Variants in DNAH8 observed in about 807,000 individuals in gnomAD.
DNAH8 encodes axonemal beta dynein heavy chain 8.
DNAH8 carries 382 observed loss-of-function variants against 562.1 expected under a neutral mutation model. That is an observed-to-expected ratio of 0.68 (90% CI 0.63 to 0.74). The LOEUF is 0.74. Among genes scored for constraint, DNAH8 ranks in the 30% least tolerant of loss-of-function variants. The pLI is 0.00. For missense variants in DNAH8, 5,203 were observed against 5,620.4 expected (o/e 0.93, Z 2.37); for synonymous variants, 1,881 against 1,919.4 (o/e 0.98, Z 0.52).
chr6:38,786,228 T>A (rs1769147229), intron 17 of DNAH8, among the ~76,000 whole-genome samples: 1 of 152,372 alleles, frequency 6.6e-6, no homozygotes, highest in East Asian at 1.9e-4. Context: ...GTGTAAAACA[T>A]CTTCCCTCCT....
chr6:38,894,439 T>G (rs1463577543), intron 58 of DNAH8, among the ~76,000 whole-genome samples: 3 of 152,190 alleles, frequency 2.0e-5, no homozygotes, highest in African/African-American at 7.2e-5. Context: ...CAACTGATGG[T>G]AGTAGAACAA....
At chr6:38,953,386 C>A (rs1449880802) in intron 82 of DNAH8, among the ~76,000 whole-genome samples, 1 of 152,142 alleles carries the variant, frequency 6.6e-6, no homozygotes, top group African/African-American at 2.4e-5. Flanking sequence ...TTAAAAAATT[C>A]AAGGTCTCCT....
intron 77 of DNAH8, chr6:38,936,361 A>T (rs914065461): frequency 6.6e-6 from 1 of 152,166 alleles, no homozygotes; most frequent in Non-Finnish European, 1.5e-5. Context: ...CCAAATCATC[A>T]TGCCACACCT....
intron 85 of DNAH8, among the ~76,000 whole-genome samples, chr6:38,981,062 T>TG (rs3047924): frequency 8.0e-4 from 116 of 145,592 alleles, no homozygotes; most frequent in Non-Finnish European, 1.2e-3. Flanking sequence ...TGTGTGTGTG[T>TG]TGAGTTGGGG....
chr6:38,778,426 AATCTT>A lies in DNAH8; in HGVS notation c.2007_2011del (p.Leu669PhefsTer37), dbSNP rs757843325. ...CATTTATGAACAGTAGTTTTGGGAA[AATCTT>A]ATCTTCTCAGCAGGCTCTTCAGCTA... On this transcript the variant is annotated frameshift_variant, in exon 14 of 93. Transcript: ENST00000327475. LOFTEE classifies it high-confidence loss of function. 10 of 1,596,552 alleles carry A rather than the reference AATCTT, an allele frequency of 6.3e-6. No individual in the cohort carries two copies. Among genetic ancestry groups the A allele is most frequent in the Non-Finnish European group, 1.7e-6 (2 of 1,165,770 alleles).
At position 38,872,552 on chromosome 6, in the gene DNAH8, T is replaced by C. The variant is rs1359725663; in HGVS notation, c.7007T>C (p.Leu2336Ser). The C allele has an allele frequency of 3.7e-6, 6 of 1,614,082 alleles. No homozygotes were observed. In the East Asian group the frequency reaches 8.9e-5, roughly 24 times the overall value. Residue 2336 changes from leucine (L) to serine (S), a missense_variant, in exon 50 of 93, where the codon TTG (leucine) becomes TCG (serine). Leu to Ser is a moderately radical substitution (Grantham distance 145). Around this residue, in one of 6 missense-constraint regions of DNAH8, gnomAD observed 2,176 missense variants for 2,365.1 expected, o/e 0.92. Coordinates refer to ENST00000327475, the MANE Select transcript of DNAH8 (RefSeq NM_001206927.2). Reference protein sequence around the residue: ...LKLVQLYETSLVRHGLMTLGP... With the variant: ...LKLVQLYETSSVRHGLMTLGP... ...ATTGTGTAGTTATATGAGACGTCTTTGGTACGGCATGGCTTGATGACTCTT... is the reference window on the plus strand; with the variant it reads ...ATTGTGTAGTTATATGAGACGTCTTCGGTACGGCATGGCTTGATGACTCTT...
At chr6:38,978,520 C>T (rs1435271530) in intron 85 of DNAH8, among the ~76,000 whole-genome samples, 3 of 152,122 alleles carry the variant, frequency 2.0e-5, no homozygotes, top group Non-Finnish European at 4.4e-5. Flanking sequence ...TACACTCTGC[C>T]CCATAGTGTT....
At chr6:38,730,403 C>T (rs1176773124) in intron 4 of DNAH8, among the ~76,000 whole-genome samples, 1 of 152,204 alleles carries the variant, frequency 6.6e-6, no homozygotes, top group Admixed American at 6.5e-5. Context: ...GTTTTCCCTA[C>T]TGTGCATATT....
chr6:38,915,112 T>C (rs948638779), intron 67 of DNAH8, 89 bp from the exon 68 acceptor site: 2 of 1,124,180 alleles, frequency 1.8e-6, no homozygotes, highest in African/African-American at 3.2e-5. Context: ...TTTTATATTA[T>C]GTTGAATAAA....
At chr6:38,745,573 G>A (rs11756771) in intron 8 of DNAH8, among the ~76,000 whole-genome samples, 28,101 of 152,118 alleles carry the variant, frequency 0.18, 3,390 homozygotes, top group Non-Finnish European at 0.27. Context: ...AAATGAAGGG[G>A]TAACATTAGT....
chr6:38,960,432 AAT>A (rs1018794492), intron 82 of DNAH8, among the ~76,000 whole-genome samples: 2 of 151,268 alleles, frequency 1.3e-5, no homozygotes, highest in East Asian at 1.9e-4. Context: ...AAAAAAAAAA[AAT>A]AATAATCTGA....
chr6:38,782,577 C>T (rs538026999), intron 16 of DNAH8, among the ~76,000 whole-genome samples: 1 of 152,272 alleles, frequency 6.6e-6, no homozygotes, highest in South Asian at 2.1e-4. Flanking sequence ...CTACGGCACC[C>T]GGCCAAGAAA....
chr6:38,828,080 G>A lies in DNAH8; in HGVS notation c.4084-104G>A, dbSNP rs541643886. 5.0e-5 allele frequency: 37 copies of A among 743,928 alleles called. No individual in the cohort carries two copies. The South Asian group carries it at 5.8e-4, about 12-fold the overall frequency. 46.1% of individuals were successfully genotyped at this position (743,928 alleles called of 1,614,324 possible). On this transcript the variant is annotated intron_variant, in intron 29 of 92. Transcript: ENST00000327475. The stretch of plus-strand genomic sequence containing the variant: ...TTTGGAAACCACTTTTCTAGAACAT[G>A]CTGTCTTCTTCTAAGACATAGGAAT...
intron 43 of DNAH8, 126 bp from the exon 44 acceptor site, chr6:38,862,154 C>A: frequency 1.3e-6 from 1 of 757,680 alleles, no homozygotes; most frequent in Non-Finnish European, 2.1e-6. Context: ...TTGTTCACTT[C>A]TTTTATGTGG....
intron 52 of DNAH8, 121 bp from the exon 53 acceptor site, chr6:38,875,470 T>C: frequency 3.3e-6 from 2 of 614,390 alleles, no homozygotes; most frequent in Non-Finnish European, 5.3e-6. Context: ...GATCAAGCAA[T>C]AGCTTGAGAT....
chr6:38,734,470 T>G lies in DNAH8; in HGVS notation c.611-4T>G. 1.9e-6 allele frequency: 3 copies of G among 1,613,558 alleles called. No homozygotes were observed. The highest frequency in any genetic ancestry group is 2.5e-6 in the Non-Finnish European group (3 of 1,179,868). On this transcript the variant is annotated splice_polypyrimidine_tract_variant and splice_region_variant and intron_variant, in intron 4 of 92. Coordinates refer to ENST00000327475, the MANE Select transcript of DNAH8 (RefSeq NM_001206927.2). The stretch of plus-strand genomic sequence containing the variant: ...TACGCTAAGTTCTTGACTTTTGTTT[T>G]CAGAATGTGGTCGAACTATTGCTGG...
At chr6:38,848,175 T>C (rs1254850176) in intron 36 of DNAH8, among the ~76,000 whole-genome samples, 2 of 152,200 alleles carry the variant, frequency 1.3e-5, no homozygotes, top group Non-Finnish European at 2.9e-5. Context: ...TCTTGCTGGA[T>C]GAAACCTTCA....
intron 11 of DNAH8, among the ~76,000 whole-genome samples, chr6:38,767,242 G>A (rs1767095184): frequency 1.3e-5 from 2 of 152,116 alleles, no homozygotes; most frequent in South Asian, 2.1e-4. Flanking sequence ...TTCAAGACCA[G>A]CCTGGCCAAC....
chr6:38,853,370 TA>T (rs1190107835), intron 41 of DNAH8, 23 bp downstream of exon 41: 10 of 1,602,384 alleles, frequency 6.2e-6, no homozygotes, highest in Non-Finnish European at 7.7e-6. Flanking sequence ...AATGCTTAAG[TA>T]ATGGTGAAAA....
Sources: gnomAD v4.1 joint callset for allele counts (sites outside exome capture counted in the v4.1 genomes callset) on GRCh38, gnomAD v4.1.1 for gene constraint, gnomAD v4.1.1 regional missense constraint, MANE v1.5 for transcripts, NCBI Gene and HGNC (gene_info 2026-07-23, HGNC 2026-07-21) for gene names.